The following SH3GL2 variants were observed in gnomAD, a reference collection of about 807,000 sequenced individuals.
SH3GL2 encodes the protein endophilin-A1.
In SH3GL2, 24 loss-of-function variants were observed where a neutral mutation model predicts 46.0. That is an observed-to-expected ratio of 0.52 (90% confidence interval 0.38 to 0.73). The LOEUF (loss-of-function observed/expected upper bound fraction) is 0.73, where lower values mean the gene tolerates loss of function less well. SH3GL2 is among the 30% of genes least tolerant of loss of function. SH3GL2 has a pLI of 0.00. For missense variants in SH3GL2, 413 were observed against 424.2 expected, an observed-to-expected ratio of 0.97 and a Z score of 0.23; for synonymous variants, 196 against 147.1, an observed-to-expected ratio of 1.33 and a Z score of -2.40.
At chr9:17,747,492 A>C (rs1422086119) in intron 2 of SH3GL2, among the ~76,000 whole-genome samples, 1 of 151,998 alleles carries the variant, frequency 6.6e-6, no homozygotes, top group Non-Finnish European at 1.5e-5. Context: ...TTTTTGGGAG[A>C]GTTTAAGTCA....
chr9:17,672,874 T>C (rs2117974294), intron 1 of SH3GL2, among the ~76,000 whole-genome samples: 1 of 152,296 alleles, frequency 6.6e-6, no homozygotes, highest in East Asian at 1.9e-4. Context: ...CTCATTCTGT[T>C]TCAGAATTAG....
At chr9:17,657,525 TTCTAAG>T (rs1820115876) in intron 1 of SH3GL2, among the ~76,000 whole-genome samples, 1 of 152,188 alleles carries the variant, frequency 6.6e-6, no homozygotes, top group African/African-American at 2.4e-5. Flanking sequence ...TCATTTACGT[TTCTAAG>T]TCTGTTTCCT....
chr9:17,691,080 C>G (rs961270398), intron 1 of SH3GL2, among the ~76,000 whole-genome samples: 1 of 152,156 alleles, frequency 6.6e-6, no homozygotes, highest in African/African-American at 2.4e-5. Flanking sequence ...CAATAAGAAC[C>G]TTAGCATGCT....
At position 17,727,300 on chromosome 9, in the gene SH3GL2, A is replaced by G. The variant is rs973057332; in HGVS notation, c.46-19766A>G. 4.6e-5 allele frequency among the ~76,000 whole-genome samples: 7 copies of G among 152,328 alleles called. No individual in the cohort carries two copies. In the East Asian group the frequency reaches 1.4e-3, roughly 29 times the overall value. ...TATGGATACCATAGCACAGGTGTCA[A>G]CTATGTAAAGTGTGTAGGCTGTTTT... On this transcript the variant is annotated intron_variant, in intron 1 of 8. Coordinates refer to ENST00000380607, the MANE Select transcript of SH3GL2 (RefSeq NM_003026.5).
intron 1 of SH3GL2, among the ~76,000 whole-genome samples, chr9:17,608,189 C>G (rs1484978374): frequency 2.4e-5 from 3 of 127,156 alleles, no homozygotes; most frequent in Non-Finnish European, 3.2e-5. Context: ...GCTCTGTTGC[C>G]CAGGCTGGAG....
intron 1 of SH3GL2, among the ~76,000 whole-genome samples, chr9:17,580,760 G>C (rs997225560): frequency 1.3e-5 from 2 of 152,174 alleles, no homozygotes; most frequent in African/African-American, 4.8e-5. Flanking sequence ...GAATTCTGTG[G>C]CAGGACTTCT....
rs117160666 is a variant in SH3GL2 at position 17,606,023 on chromosome 9, T to C, written c.45+26736T>C. Among the ~76,000 whole-genome samples the C allele has an allele frequency of 1.8e-3, 280 of 152,310 alleles. 3 individuals are homozygous for C. The highest frequency in any genetic ancestry group is 5.5e-3 in the Admixed American group (84 of 15,290). The stretch of plus-strand genomic sequence containing the variant: ...TCCCTTTCATTAATGGCTTATTTTT[T>C]TCAAGTAGTCTCATTCTACCCTTGT... On this transcript the variant is annotated intron_variant, in intron 1 of 8. Transcript: ENST00000380607.
chr9:17,764,371 G>A (rs1823260991), intron 3 of SH3GL2, among the ~76,000 whole-genome samples: 1 of 152,226 alleles, frequency 6.6e-6, no homozygotes, highest in South Asian at 2.1e-4. Flanking sequence ...CAGGTAACTG[G>A]TAAAGTTGAG....
chr9:17,795,768 C>T lies in SH3GL2; in HGVS notation c.*25C>T, dbSNP rs765838428. 2.6e-5 allele frequency: 41 copies of T among 1,579,130 alleles called. No individual in the cohort carries two copies. Among genetic ancestry groups the T allele is most frequent in the Non-Finnish European group, 3.3e-5 (38 of 1,150,808 alleles). On this transcript the variant is annotated 3_prime_UTR_variant, in exon 9 of 9. Transcript: ENST00000380607. ...GGATGTTATGCTGGCTGGCTCGCCT[C>T]CTCTTGACCCAGATAGTTACGGTTA...
intron 2 of SH3GL2, 69 bp from the exon 3 acceptor site, chr9:17,761,368 C>A: frequency 1.0e-6 from 1 of 992,622 alleles, no homozygotes; most frequent in African/African-American, 1.6e-5. Flanking sequence ...TGTATACAGA[C>A]TCAACCAAAA....
At chr9:17,654,626 A>G (rs912549037) in intron 1 of SH3GL2, among the ~76,000 whole-genome samples, 7 of 152,200 alleles carry the variant, frequency 4.6e-5, no homozygotes, top group Admixed American at 1.3e-4. Flanking sequence ...CATGTCTAGG[A>G]GTCTTAGAAA....
At chr9:17,755,709 T>G in intron 2 of SH3GL2, 1 of 842,680 alleles carries the variant, frequency 1.2e-6, no homozygotes, top group Non-Finnish European at 1.4e-6. Flanking sequence ...TCTGGTATAA[T>G]GTGGTATCTA....
intron 2 of SH3GL2, among the ~76,000 whole-genome samples, chr9:17,760,496 G>GTA (rs1823139728): frequency 1.3e-5 from 2 of 151,764 alleles, no homozygotes. Flanking sequence ...TTATATACTG[G>GTA]TATATATTAT....
At chr9:17,735,893 C>T (rs1822320330) in intron 1 of SH3GL2, 1 of 216,498 alleles carries the variant, frequency 4.6e-6, no homozygotes, top group African/African-American at 2.3e-5. Context: ...CATACTTATA[C>T]CCTGTGGGGG....
intron 1 of SH3GL2, among the ~76,000 whole-genome samples, chr9:17,609,373 T>G (rs898073729): frequency 5.3e-5 from 8 of 152,104 alleles, no homozygotes; most frequent in Admixed American, 2.0e-4. Context: ...GAGCACTTTT[T>G]GGGTCATGGT....
intron 1 of SH3GL2, among the ~76,000 whole-genome samples, chr9:17,743,735 G>A (rs988300743): frequency 6.6e-6 from 1 of 152,200 alleles, no homozygotes; most frequent in Non-Finnish European, 1.5e-5. Context: ...GTGCTATGCT[G>A]TGGATGGATG....
intron 1 of SH3GL2, among the ~76,000 whole-genome samples, chr9:17,694,498 G>T (rs896991950): frequency 1.8e-4 from 27 of 152,092 alleles, no homozygotes; most frequent in African/African-American, 4.6e-4. Flanking sequence ...TACTAGACTT[G>T]ATGTACCTGA....
chr9:17,779,407 C>T (rs1293865186), intron 3 of SH3GL2, among the ~76,000 whole-genome samples: 2 of 152,088 alleles, frequency 1.3e-5, no homozygotes, highest in East Asian at 3.9e-4. Flanking sequence ...TGGCTCAGAC[C>T]TGAGCCTGAA....
intron 1 of SH3GL2, among the ~76,000 whole-genome samples, chr9:17,680,058 G>C (rs994494059): frequency 1.3e-5 from 2 of 151,908 alleles, no homozygotes; most frequent in Non-Finnish European, 2.9e-5. Context: ...TTTTTGCATC[G>C]ATGTTCATCA....
Sources: gnomAD v4.1 joint callset for allele counts (sites outside exome capture counted in the v4.1 genomes callset) on GRCh38, gnomAD v4.1.1 for gene constraint, MANE v1.5 for transcripts, NCBI Gene and HGNC (gene_info 2026-07-23, HGNC 2026-07-21) for gene names.